The following YY1 variants were observed in gnomAD, a reference collection of about 807,000 sequenced individuals.
YY1 encodes the protein transcriptional repressor protein YY1.
In YY1, 2 loss-of-function variants were observed where a neutral mutation model predicts 35.6. The observed-to-expected ratio is 0.06, with a 90% CI of 0.02 to 0.18. The LOEUF is 0.18. Among genes scored for constraint, YY1 ranks in the 10% least tolerant of loss-of-function variants. YY1 has a pLI of 1.00. For synonymous variants in YY1, 268 were observed against 238.9 expected, an observed-to-expected ratio of 1.12 and a Z score of -1.12; for missense variants, 322 against 573.4, an observed-to-expected ratio of 0.56 and a Z score of 4.48.
chr14:100,262,591 A>G, intron 2 of YY1, 125 bp downstream of exon 2: 1 of 1,055,348 alleles, frequency 9.5e-7, no homozygotes, highest in Non-Finnish European at 1.4e-6. Flanking sequence ...TCCTGAAAAC[A>G]AAAGCAGTCA....
At position 100,277,901 on chromosome 14, in the gene YY1, T is replaced by C; in HGVS notation, c.*301T>C. 2.8e-6 allele frequency: 1 copy of C among 355,740 alleles called. No homozygotes were observed. Among genetic ancestry groups the C allele is most frequent in the South Asian group, 3.3e-5 (1 of 30,702 alleles). The allele number at this position is 355,740 out of a possible 1,614,324, so 22.0% of individuals were successfully genotyped here. A position where few individuals can be genotyped will look rare whatever the true frequency, so the allele number is the denominator to read the frequency against. The stretch of plus-strand genomic sequence containing the variant: ...CTTCGCATCAAAAGACAATTCTTTA[T>C]ACAACAGTGCTAAAAATGGGACTTC... On this transcript the variant is annotated 3_prime_UTR_variant, in exon 5 of 5. Transcript: ENST00000262238. The surrounding 1 kb of genome is among the most constrained non-coding windows in gnomAD (Gnocchi z 5.6).
intron 3 of YY1, 44 bp downstream of exon 3, chr14:100,274,802 A>C (rs1409395756): frequency 1.1e-5 from 18 of 1,565,298 alleles, no homozygotes; most frequent in Non-Finnish European, 1.6e-5. Flanking sequence ...CTGTTGATGA[A>C]GTTTTAGAGA....
At chr14:100,268,589 T>A (rs1357899247) in intron 2 of YY1, among the ~76,000 whole-genome samples, 1 of 152,228 alleles carries the variant, frequency 6.6e-6, no homozygotes, top group Non-Finnish European at 1.5e-5. Flanking sequence ...TTTCACAATA[T>A]TAATGTATAG....
chr14:100,282,481 A>G lies in YY1; in HGVS notation c.*4881A>G, dbSNP rs1411890865. ...TCCATACCCGGACATGTGAGGCTCT[A>G]TTATCAACAGGTGGTGAGAAAAATT... On this transcript the variant is annotated 3_prime_UTR_variant, in exon 5 of 5. Coordinates refer to ENST00000262238, the MANE Select transcript of YY1 (RefSeq NM_003403.5). 1 of 152,150 alleles carries G rather than the reference A, an allele frequency of 6.6e-6. No individual in the cohort carries two copies. The highest frequency in any genetic ancestry group is 1.5e-5 in the Non-Finnish European group (1 of 68,028). The allele number at this position is 152,150 out of a possible 1,614,324, so 9.4% of individuals were successfully genotyped here.
intron 2 of YY1, among the ~76,000 whole-genome samples, chr14:100,267,045 C>T (rs997822741): frequency 6.6e-6 from 1 of 152,028 alleles, no homozygotes; most frequent in Non-Finnish European, 1.5e-5. Context: ...GTAAGAATTT[C>T]TTAAGGAAAA....
chr14:100,262,237 G>A, intron 1 of YY1, 67 bp from the exon 2 acceptor site: 1 of 1,569,530 alleles, frequency 6.4e-7, no homozygotes, highest in Non-Finnish European at 8.7e-7. Flanking sequence ...AGTTACTGGT[G>A]AAAGCAGTTT....
chr14:100,240,169 G>C (rs1210437193), intron 1 of YY1, among the ~76,000 whole-genome samples: 1 of 145,750 alleles, frequency 6.9e-6, no homozygotes, highest in Non-Finnish European at 1.5e-5. Flanking sequence ...TAGTTTCTCC[G>C]AGAGGGGGAA....
chr14:100,240,954 G>T (rs1002361102), intron 1 of YY1, among the ~76,000 whole-genome samples: 1 of 152,154 alleles, frequency 6.6e-6, no homozygotes, highest in Non-Finnish European at 1.5e-5. Context: ...TGAAAAGAAC[G>T]ATAATAGAAA....
chr14:100,280,425 C>CT lies in YY1; in HGVS notation c.*2827dup, dbSNP rs922329002. On this transcript the variant is annotated 3_prime_UTR_variant, in exon 5 of 5. Transcript: ENST00000262238. Reference sequence around the variant, plus strand: ...GATGTTGTTTTCTATTTTTGAATTTCTTATTATTTCCCCCTTTTTGGTAGT... The same window carrying CT: ...GATGTTGTTTTCTATTTTTGAATTTCTTTATTATTTCCCCCTTTTTGGTAGT... The CT allele has an allele frequency of 1.3e-5, 2 of 152,064 alleles. No individual in the cohort carries two copies. The highest frequency in any genetic ancestry group is 2.4e-5 in the African/African-American group (1 of 41,404). 9.4% of individuals were successfully genotyped at this position (152,064 alleles called of 1,614,324 possible). A position where few individuals can be genotyped will look rare whatever the true frequency, so the allele number is the denominator to read the frequency against.
Position 100,277,626 on chromosome 14 carries a change from C to A in YY1, c.*26C>A. 1 of 1,609,564 alleles carries A rather than the reference C, an allele frequency of 6.2e-7. No homozygotes were observed. Among genetic ancestry groups the A allele is most frequent in the Non-Finnish European group, 8.5e-7 (1 of 1,176,242 alleles). ...AAAGAAGAGAGAAGACCCTTCTCGACCACGGGAAGCATCTTCCAGAAGTGT... is the reference window on the plus strand; with the variant it reads ...AAAGAAGAGAGAAGACCCTTCTCGAACACGGGAAGCATCTTCCAGAAGTGT... On this transcript the variant is annotated 3_prime_UTR_variant, in exon 5 of 5. Transcript: ENST00000262238. The surrounding 1 kb of genome is among the most constrained non-coding windows in gnomAD (Gnocchi z 5.6).
In YY1 at chr14:100,276,354, C is replaced by T. The variant is rs997034820; in HGVS notation, c.904-136C>T. 16 of 1,184,618 alleles carry T rather than the reference C, an allele frequency of 1.4e-5. No homozygotes were observed. The highest frequency in any genetic ancestry group is 2.0e-5 in the Admixed American group (1 of 49,550). 73.4% of individuals were successfully genotyped at this position (1,184,618 alleles called of 1,614,324 possible). Reference sequence around the variant, plus strand: ...GTCTTAAATGATATTAATGTTCTACCGTAATACTAAGTAAAATTAAAATGG... The same window carrying T: ...GTCTTAAATGATATTAATGTTCTACTGTAATACTAAGTAAAATTAAAATGG... On this transcript the variant is annotated intron_variant, in intron 3 of 4. Transcript: ENST00000262238. This position sits in a 1 kb window ranked among gnomAD's most constrained non-coding sequence, Gnocchi z 4.1.
chr14:100,271,674 CTT>C (rs202133438), intron 2 of YY1, among the ~76,000 whole-genome samples: 2 of 146,652 alleles, frequency 1.4e-5, no homozygotes, highest in African/African-American at 2.5e-5. Flanking sequence ...CAATTCTGTA[CTT>C]TTTTTTTTTT....
intron 1 of YY1, among the ~76,000 whole-genome samples, chr14:100,253,564 T>C (rs1047872024): frequency 6.6e-6 from 1 of 152,036 alleles, no homozygotes; most frequent in South Asian, 2.1e-4. Flanking sequence ...ATTACAGGTA[T>C]GTGCCACCAT....
rs372506412 is a variant in YY1 at position 100,242,542 on chromosome 14, C to T, written c.679+2619C>T. Among the ~76,000 whole-genome samples the T allele has an allele frequency of 1.8e-4, 28 of 151,784 alleles. 2 individuals carry two copies. Among genetic ancestry groups the T allele is most frequent in the South Asian group, 1.2e-3 (6 of 4,810 alleles). On this transcript the variant is annotated intron_variant, in intron 1 of 4. Transcript: ENST00000262238. ...TAGCTGGGACTACAGGCGCCCACCA[C>T]CACGCCCGGCTAATTTTTTGTGTTT...
rs2139604497 is a variant in YY1 at position 100,276,764 on chromosome 14, CCT to C, written c.1062+117_1062+118del. 6.6e-7 allele frequency: 1 copy of C among 1,509,186 alleles called. No individual in the cohort carries two copies. Among genetic ancestry groups the C allele is most frequent in the East Asian group, 2.3e-5 (1 of 44,116 alleles). The allele number at this position is 1,509,186 out of a possible 1,614,324, so 93.5% of individuals were successfully genotyped here. On this transcript the variant is annotated intron_variant, in intron 4 of 4. Coordinates refer to ENST00000262238, the MANE Select transcript of YY1 (RefSeq NM_003403.5). This position sits in a 1 kb window ranked among gnomAD's most constrained non-coding sequence, Gnocchi z 4.1. ...CCCAGAGACTCAGGGTCTTATTACT[CCT>C]TGGTGAGAAACAAAACTTCTCCTGG...
At chr14:100,261,496 A>G (rs1891085982) in intron 1 of YY1, among the ~76,000 whole-genome samples, 2 of 152,146 alleles carry the variant, frequency 1.3e-5, no homozygotes, top group African/African-American at 2.4e-5. Context: ...GGCCGAACAT[A>G]TATTTGTTGA....
At chr14:100,246,065 T>C (rs182775627) in intron 1 of YY1, among the ~76,000 whole-genome samples, 1 of 152,292 alleles carries the variant, frequency 6.6e-6, no homozygotes, top group African/African-American at 2.4e-5. Flanking sequence ...GGTGACAAAC[T>C]GTGACCCTCT....
intron 1 of YY1, among the ~76,000 whole-genome samples, chr14:100,248,379 C>T (rs1203857032): frequency 1.3e-5 from 2 of 152,100 alleles, no homozygotes; most frequent in African/African-American, 2.4e-5. Flanking sequence ...GCCTTGGCCT[C>T]CCAAAGTGCT....
At position 100,276,090 on chromosome 14, in the gene YY1, C is replaced by T. The variant is rs1057007464; in HGVS notation, c.904-400C>T. On this transcript the variant is annotated intron_variant, in intron 3 of 4. Transcript: ENST00000262238. This position sits in a 1 kb window ranked among gnomAD's most constrained non-coding sequence, Gnocchi z 4.1. ...GCCACCAAAGGTAGTGGTGGACTAC[C>T]GTCATTTTAACTCCATTTGCTTAGC... 8 of 294,102 alleles carry T rather than the reference C, an allele frequency of 2.7e-5. No individual in the cohort carries two copies. The highest frequency in any genetic ancestry group is 1.3e-4 in the African/African-American group (6 of 45,212). The allele number at this position is 294,102 out of a possible 1,614,324, so 18.2% of individuals were successfully genotyped here. A position where few individuals can be genotyped will look rare whatever the true frequency, so the allele number is the denominator to read the frequency against.
Sources: gnomAD v4.1 joint callset for allele counts (sites outside exome capture counted in the v4.1 genomes callset) on GRCh38, gnomAD v4.1.1 for gene constraint, Gnocchi (gnomAD v3.1) non-coding constraint, MANE v1.5 for transcripts, NCBI Gene and HGNC (gene_info 2026-07-23, HGNC 2026-07-21) for gene names.